The following CTNNA3 variants were observed in gnomAD, a reference collection of about 807,000 sequenced individuals.
CTNNA3 encodes the protein catenin alpha 3.
Under a neutral mutation model 95.7 loss-of-function variants are expected in CTNNA3, and 76 were observed. The observed-to-expected ratio is 0.79, with a 90% CI of 0.66 to 0.96. The LOEUF (loss-of-function observed/expected upper bound fraction) is 0.96, where lower values mean the gene tolerates loss of function less well. CTNNA3 is among the 40% of genes least tolerant of loss of function. The pLI, the probability that CTNNA3 is intolerant of heterozygous loss-of-function variation, is 0.00. For synonymous variants in CTNNA3, 431 were observed against 374.4 expected (o/e 1.15, Z -1.74); for missense variants, 1,191 against 1,089.8 (o/e 1.09, Z -1.31).
At chr10:67,188,685 A>G (rs1862979161) in intron 6 of CTNNA3, among the ~76,000 whole-genome samples, 1 of 152,240 alleles carries the variant, frequency 6.6e-6, no homozygotes, top group Non-Finnish European at 1.5e-5. Context: ...AAAGAGATAT[A>G]TGTACTCTCA....
chr10:66,959,562 A>T (rs2132764393), intron 7 of CTNNA3, among the ~76,000 whole-genome samples: 1 of 152,130 alleles, frequency 6.6e-6, no homozygotes, highest in Non-Finnish European at 1.5e-5. Flanking sequence ...AAGAGAATTA[A>T]CCTCTCTGGG....
chr10:66,508,188 T>TTTTTTG (rs1840521998), intron 11 of CTNNA3, among the ~76,000 whole-genome samples: 1 of 145,460 alleles, frequency 6.9e-6, no homozygotes, highest in Non-Finnish European at 1.5e-5. Flanking sequence ...TTGTTTTTTT[T>TTTTTTG]TTTTGTTTTG....
At chr10:67,570,483 T>G (rs552150771) in intron 3 of CTNNA3, among the ~76,000 whole-genome samples, 1 of 152,302 alleles carries the variant, frequency 6.6e-6, no homozygotes, top group Non-Finnish European at 1.5e-5. Context: ...CTCCCACAAA[T>G]AATGGCCACT....
At chr10:66,602,940 A>G (rs796649874) in intron 10 of CTNNA3, among the ~76,000 whole-genome samples, 6 of 152,226 alleles carry the variant, frequency 3.9e-5, no homozygotes, top group African/African-American at 1.4e-4. Flanking sequence ...TAGAAGAAAT[A>G]TACCTCAACA....
intron 6 of CTNNA3, among the ~76,000 whole-genome samples, chr10:67,193,465 T>C (rs7475630): frequency 0.37 from 55,485 of 151,724 alleles, 14,536 homozygotes; most frequent in African/African-American, 0.75. Context: ...AGCCTAATAC[T>C]CATTCATTAT....
chr10:65,998,747 C>T (rs2078714654), intron 15 of CTNNA3, among the ~76,000 whole-genome samples: 1 of 152,134 alleles, frequency 6.6e-6, no homozygotes. Flanking sequence ...TGAGAATAGA[C>T]ACCCTAATAT....
At chr10:66,880,889 C>A (rs1844824627) in intron 7 of CTNNA3, among the ~76,000 whole-genome samples, 1 of 152,098 alleles carries the variant, frequency 6.6e-6, no homozygotes, top group Non-Finnish European at 1.5e-5. Flanking sequence ...TTAGGAAGTT[C>A]TTTCAGTTTT....
chr10:66,553,587 C>T (rs780137531), intron 10 of CTNNA3, among the ~76,000 whole-genome samples: 17 of 114,866 alleles, frequency 1.5e-4, no homozygotes, highest in Non-Finnish European at 2.4e-4. Flanking sequence ...AGTGCAGTGG[C>T]GCCCATCTTG....
intron 7 of CTNNA3, among the ~76,000 whole-genome samples, chr10:67,097,227 C>CTAA (rs771143474): frequency 7.3e-4 from 111 of 151,678 alleles, no homozygotes; most frequent in African/African-American, 2.2e-3. Context: ...ATAATTAACA[C>CTAA]TAATAATAAT....
At chr10:67,306,301 T>C (rs767660214) in intron 5 of CTNNA3, among the ~76,000 whole-genome samples, 6 of 152,192 alleles carry the variant, frequency 3.9e-5, no homozygotes, top group African/African-American at 1.4e-4. Flanking sequence ...ATACCAGACA[T>C]TGGGGTATAT....
intron 13 of CTNNA3, among the ~76,000 whole-genome samples, chr10:66,140,127 C>G (rs2083541211): frequency 6.6e-6 from 1 of 152,160 alleles, no homozygotes; most frequent in Admixed American, 6.6e-5. Context: ...AAAATTCTAA[C>G]TAACTAATCG....
intron 12 of CTNNA3, among the ~76,000 whole-genome samples, chr10:66,320,855 CTT>C (rs1046306525): frequency 6.6e-6 from 1 of 151,994 alleles, no homozygotes; most frequent in African/African-American, 2.4e-5. Flanking sequence ...TTCATTTAGA[CTT>C]TTGTTAAAGT....
At chr10:66,563,637 A>G (rs75279573) in intron 10 of CTNNA3, among the ~76,000 whole-genome samples, 7,582 of 152,118 alleles carry the variant, frequency 0.05, 240 homozygotes, top group African/African-American at 0.075. Context: ...CTATTCCTAC[A>G]TAAGATAGTT....
At chr10:67,277,245 C>T (rs1839212077) in intron 5 of CTNNA3, among the ~76,000 whole-genome samples, 1 of 152,146 alleles carries the variant, frequency 6.6e-6, no homozygotes, top group Admixed American at 6.6e-5. Context: ...TTGTTCAATG[C>T]CCACTGCCTT....
intron 7 of CTNNA3, among the ~76,000 whole-genome samples, chr10:66,873,960 T>C (rs1844512410): frequency 6.6e-6 from 1 of 152,146 alleles, no homozygotes; most frequent in African/African-American, 2.4e-5. Flanking sequence ...CAACACAGGA[T>C]TAAACATGTA....
intron 5 of CTNNA3, among the ~76,000 whole-genome samples, chr10:67,511,545 C>T (rs1839629166): frequency 6.6e-6 from 1 of 152,158 alleles, no homozygotes; most frequent in African/African-American, 2.4e-5. Flanking sequence ...GGGATGAAGC[C>T]TACTTGATTG....
chr10:66,004,584 T>G (rs965345094), intron 15 of CTNNA3, among the ~76,000 whole-genome samples: 2 of 152,190 alleles, frequency 1.3e-5, no homozygotes, highest in Non-Finnish European at 2.9e-5. Flanking sequence ...TTTACCCTAG[T>G]GAAAATTGTG....
intron 12 of CTNNA3, among the ~76,000 whole-genome samples, chr10:66,360,924 T>G (rs2132429161): frequency 2.0e-5 from 2 of 102,186 alleles, no homozygotes; most frequent in Middle Eastern, 4.8e-3. Context: ...TCTTTCTTCC[T>G]TTCTGTCTCT....
intron 9 of CTNNA3, among the ~76,000 whole-genome samples, chr10:66,659,731 A>G (rs368047077): frequency 1.2e-4 from 18 of 152,120 alleles, no homozygotes; most frequent in East Asian, 5.8e-4. Context: ...ATGTGAGGAC[A>G]CAGTTAGAAA....
Sources: gnomAD v4.1 joint callset for allele counts (sites outside exome capture counted in the v4.1 genomes callset) on GRCh38, gnomAD v4.1.1 for gene constraint, MANE v1.5 for transcripts, NCBI Gene and HGNC (gene_info 2026-07-23, HGNC 2026-07-21) for gene names.